The following CELF4 variants were observed in gnomAD, a reference collection of about 807,000 sequenced individuals.
CELF4 encodes the protein CUG-BP- and ETR-3-like factor 4.
CELF4 carries 18 observed loss-of-function variants against 59.9 expected under a neutral mutation model. The observed-to-expected ratio is 0.30, with a 90% CI of 0.21 to 0.45. The LOEUF is 0.45. Ranked by LOEUF, CELF4 falls within the 20% of genes least tolerant of loss-of-function variation. The pLI is 1.00. For synonymous variants in CELF4, 261 were observed against 267.1 expected, an observed-to-expected ratio of 0.98 and a Z score of 0.22; for missense variants, 456 against 689.0, an observed-to-expected ratio of 0.66 and a Z score of 3.79.
intron 1 of CELF4, among the ~76,000 whole-genome samples, chr18:37,511,727 C>T (rs1174477259): frequency 6.6e-6 from 1 of 151,992 alleles, no homozygotes; most frequent in East Asian, 1.9e-4. Context: ...GCTGGTTATC[C>T]TTTCCCTCAC....
chr18:37,482,360 C>T (rs2099870211), intron 2 of CELF4, among the ~76,000 whole-genome samples: 1 of 152,060 alleles, frequency 6.6e-6, no homozygotes, highest in Non-Finnish European at 1.5e-5. Flanking sequence ...GCGAGAGAGG[C>T]AGAGAGATTA....
intron 1 of CELF4, among the ~76,000 whole-genome samples, chr18:37,556,080 G>A (rs760697496): frequency 1.3e-5 from 2 of 152,202 alleles, no homozygotes; most frequent in Non-Finnish European, 2.9e-5. Context: ...AATACACTGT[G>A]ATGTAGCGTT....
At chr18:37,565,262 G>A (rs1325357664) in intron 1 of CELF4, 94 bp downstream of exon 1, 5 of 1,401,136 alleles carry the variant, frequency 3.6e-6, no homozygotes, top group Non-Finnish European at 4.8e-6. Context: ...GCTTCCTCTC[G>A]CTTAGTCCGC....
At chr18:37,282,226 G>T (rs895071436) in intron 3 of CELF4, among the ~76,000 whole-genome samples, 17 of 152,120 alleles carry the variant, frequency 1.1e-4, no homozygotes, top group African/African-American at 4.1e-4. Flanking sequence ...ACCCCTGGGA[G>T]TGTAGAGAGG....
chr18:37,565,366 G>A lies in CELF4; in HGVS notation c.276C>T (p.Gly92=), dbSNP rs753173431. 1.1e-5 allele frequency: 17 copies of A among 1,561,962 alleles called. No individual in the cohort carries two copies. The highest frequency in any genetic ancestry group is 3.7e-5 in the South Asian group (3 of 81,520). Residue 92 remains glycine, a synonymous_variant, in exon 1 of 13, where the codon GGC becomes GGT. Transcript: ENST00000420428. ...GAAAGGTGTACTCACCTTTGTGCATGCCTGTGAACCTGTCCTTCAGAACCG... is the reference window on the plus strand; with the variant it reads ...GAAAGGTGTACTCACCTTTGTGCATACCTGTGAACCTGTCCTTCAGAACCG... The part of the protein sequence containing the change: ...ELTVLKDRFT[G]MHKGCAFLTY...
chr18:37,549,716 C>T (rs2099982554), intron 1 of CELF4, among the ~76,000 whole-genome samples: 1 of 152,054 alleles, frequency 6.6e-6, no homozygotes, highest in South Asian at 2.1e-4. Flanking sequence ...AGAAGGCATG[C>T]TATAATATAA....
chr18:37,552,818 T>G (rs1033256110), intron 1 of CELF4, among the ~76,000 whole-genome samples: 1 of 152,228 alleles, frequency 6.6e-6, no homozygotes, highest in Non-Finnish European at 1.5e-5. Flanking sequence ...GTATCTCAGC[T>G]GGGGTCTCCT....
At chr18:37,323,906 T>C (rs1443144185) in intron 2 of CELF4, among the ~76,000 whole-genome samples, 1 of 152,182 alleles carries the variant, frequency 6.6e-6, no homozygotes, top group African/African-American at 2.4e-5. Context: ...AGCTTTGTCA[T>C]ATTTTATCTC....
intron 2 of CELF4, among the ~76,000 whole-genome samples, chr18:37,411,436 G>T (rs2099455794): frequency 6.6e-6 from 1 of 152,078 alleles, no homozygotes; most frequent in South Asian, 2.1e-4. Context: ...GTGGCACCTG[G>T]TCCCATGGGT....
intron 2 of CELF4, among the ~76,000 whole-genome samples, chr18:37,345,814 C>T (rs963219381): frequency 2.0e-4 from 31 of 152,094 alleles, no homozygotes; most frequent in African/African-American, 7.0e-4. Flanking sequence ...AGGCTGAGGT[C>T]TCTCCAGTCT....
intron 1 of CELF4, among the ~76,000 whole-genome samples, chr18:37,517,563 A>T (rs1467304470): frequency 6.6e-6 from 1 of 152,166 alleles, no homozygotes; most frequent in Non-Finnish European, 1.5e-5. Flanking sequence ...GAAGCCTCTC[A>T]GTCCCAGGCC....
chr18:37,535,798 T>A (rs927781104), intron 1 of CELF4, among the ~76,000 whole-genome samples: 1 of 152,004 alleles, frequency 6.6e-6, no homozygotes, highest in Non-Finnish European at 1.5e-5. Context: ...AGATCCCTAC[T>A]TGGATCCACA....
At chr18:37,326,783 G>A (rs530206647) in intron 2 of CELF4, among the ~76,000 whole-genome samples, 2 of 152,160 alleles carry the variant, frequency 1.3e-5, no homozygotes, top group Non-Finnish European at 2.9e-5. Flanking sequence ...GGGTGGGCAG[G>A]TGGATGGCCC....
At chr18:37,474,004 G>A (rs2099841683) in intron 2 of CELF4, 1 of 152,204 alleles carries the variant, frequency 6.6e-6, no homozygotes. Context: ...CCGATAGAAG[G>A]GACAGAGGCA....
intron 8 of CELF4, 70 bp from the exon 9 acceptor site, chr18:37,266,668 GA>G: frequency 7.8e-7 from 1 of 1,289,210 alleles, no homozygotes; most frequent in East Asian, 2.5e-5. Context: ...TGCCCATGGG[GA>G]CAATGATGTA....
chr18:37,425,782 G>A (rs867074955), intron 2 of CELF4, among the ~76,000 whole-genome samples: 1 of 152,364 alleles, frequency 6.6e-6, no homozygotes, highest in Middle Eastern at 3.4e-3. Context: ...AAAGCCCTTG[G>A]GCCATGGTCC....
chr18:37,547,160 G>GTGTGTGTGTGTGT (rs61235122), intron 1 of CELF4, among the ~76,000 whole-genome samples: 118 of 144,246 alleles, frequency 8.2e-4, no homozygotes, highest in African/African-American at 2.6e-3. Context: ...GTGTGTGTGT[G>GTGTGTGTGTGTGT]GTGTGTGTGT....
In CELF4 at chr18:37,259,191, G is replaced by A. The variant is rs764913409; in HGVS notation, c.1323C>T (p.Phe441=). The A allele has an allele frequency of 2.5e-6, 4 of 1,611,044 alleles. No homozygotes were observed. The South Asian group carries it at 3.3e-5, about 13-fold the overall frequency. The part of the protein sequence containing the change: ...EFGDAELMQM[F]LPFGFVSFDN... ...AGGAGATGACATTACCGAAAGGGAG[G>A]AACATCTGCATCAGCTCAGCGTCCC... The change falls in exon 11 of 13, where the codon TTC becomes TTT. Residue 441 remains phenylalanine, a synonymous_variant. Coordinates refer to ENST00000420428, the MANE Select transcript of CELF4 (RefSeq NM_020180.4).
At chr18:37,306,669 T>G (rs2096419812) in intron 3 of CELF4, among the ~76,000 whole-genome samples, 1 of 152,122 alleles carries the variant, frequency 6.6e-6, no homozygotes, top group Non-Finnish European at 1.5e-5. Flanking sequence ...CTCTGGCCAA[T>G]CACTGACAAG....
Sources: gnomAD v4.1 joint callset for allele counts (sites outside exome capture counted in the v4.1 genomes callset) on GRCh38, gnomAD v4.1.1 for gene constraint, MANE v1.5 for transcripts, NCBI Gene and HGNC (gene_info 2026-07-23, HGNC 2026-07-21) for gene names.